Variants in TP63 observed in about 807,000 individuals in gnomAD.
The protein encoded by TP63 is tumor protein 63.
TP63 carries 17 observed loss-of-function variants against 82.8 expected under a neutral mutation model. That is an observed-to-expected ratio of 0.21 (90% CI 0.14 to 0.31). TP63 has a LOEUF of 0.31. Ranked by LOEUF, TP63 falls within the 10% of genes least tolerant of loss-of-function variation. TP63 has a pLI of 1.00. For missense variants in TP63, 648 were observed against 895.3 expected (o/e 0.72, Z 3.52); for synonymous variants, 330 against 321.7 (o/e 1.03, Z -0.28).
intron 11 of TP63, among the ~76,000 whole-genome samples, chr3:189,887,490 G>A (rs1454616065): frequency 6.6e-6 from 1 of 152,010 alleles, no homozygotes; most frequent in Non-Finnish European, 1.5e-5. Context: ...AAATGAAAAA[G>A]GCACTGTAAG....
chr3:189,767,311 C>T (rs889438688), intron 3 of TP63, among the ~76,000 whole-genome samples: 5 of 152,100 alleles, frequency 3.3e-5, no homozygotes, highest in Admixed American at 6.6e-5. Flanking sequence ...ACAGTAATAA[C>T]TCACATAACA....
chr3:189,816,769 T>C (rs1188577831), intron 4 of TP63, among the ~76,000 whole-genome samples: 1 of 152,194 alleles, frequency 6.6e-6, no homozygotes, highest in East Asian at 1.9e-4. Context: ...GATCCTGTAA[T>C]GAGGCACACA....
At chr3:189,836,825 C>A (rs1332098948) in intron 4 of TP63, among the ~76,000 whole-genome samples, 1 of 152,158 alleles carries the variant, frequency 6.6e-6, no homozygotes, top group African/African-American at 2.4e-5. Context: ...CACACTCTGA[C>A]CAAAGTGTTT....
intron 1 of TP63, among the ~76,000 whole-genome samples, chr3:189,659,279 A>G (rs1171068566): frequency 6.6e-6 from 1 of 151,992 alleles, no homozygotes. Context: ...CCCAATGATT[A>G]GCTCCCACTT....
At chr3:189,832,981 A>T (rs185435898) in intron 4 of TP63, among the ~76,000 whole-genome samples, 63 of 152,322 alleles carry the variant, frequency 4.1e-4, no homozygotes, top group East Asian at 7.7e-4. Flanking sequence ...AAATTTAAGC[A>T]CGTTTAATGA....
intron 1 of TP63, among the ~76,000 whole-genome samples, chr3:189,703,207 G>A (rs1361641843): frequency 6.6e-6 from 1 of 152,218 alleles, no homozygotes. Flanking sequence ...GCCAAGGCCA[G>A]CGGATTTGTT....
intron 1 of TP63, among the ~76,000 whole-genome samples, chr3:189,641,423 A>G (rs1711858722): frequency 6.6e-6 from 1 of 152,154 alleles, no homozygotes; most frequent in African/African-American, 2.4e-5. Flanking sequence ...TTATATTTCA[A>G]TAAGTATTTA....
At chr3:189,697,233 G>GTTTTTTT (rs60550638) in intron 1 of TP63, among the ~76,000 whole-genome samples, 1 of 142,252 alleles carries the variant, frequency 7.0e-6, no homozygotes, top group Admixed American at 7.0e-5. Flanking sequence ...TCTAGGTTCA[G>GTTTTTTT]TTTTTTTTTT....
chr3:189,669,969 G>C (rs772224968), intron 1 of TP63, among the ~76,000 whole-genome samples: 2 of 151,884 alleles, frequency 1.3e-5, no homozygotes, highest in African/African-American at 2.4e-5. Context: ...TTAAACAGTA[G>C]AGTTTGTCCT....
At chr3:189,878,720 G>A (rs577462019) in intron 10 of TP63, among the ~76,000 whole-genome samples, 6 of 148,900 alleles carry the variant, frequency 4.0e-5, no homozygotes, top group African/African-American at 1.5e-4. Flanking sequence ...GAGCCACCGC[G>A]CCCAGCCTAC....
intron 4 of TP63, among the ~76,000 whole-genome samples, chr3:189,808,964 T>A (rs188851157): frequency 6.6e-6 from 1 of 152,296 alleles, no homozygotes; most frequent in Admixed American, 6.5e-5. Flanking sequence ...AAATATAGTG[T>A]TATAAAAATT....
At chr3:189,868,214 G>C (rs1442327386) in intron 7 of TP63, among the ~76,000 whole-genome samples, 1 of 152,184 alleles carries the variant, frequency 6.6e-6, no homozygotes, top group African/African-American at 2.4e-5. Flanking sequence ...GTTCTGATTA[G>C]ACCATGGTCC....
chr3:189,654,712 C>A (rs1444962905), intron 1 of TP63, among the ~76,000 whole-genome samples: 2 of 152,116 alleles, frequency 1.3e-5, no homozygotes, highest in African/African-American at 4.8e-5. Flanking sequence ...CTATTAATTA[C>A]AAAGCCCTTT....
intron 13 of TP63, among the ~76,000 whole-genome samples, chr3:189,893,385 G>A (rs1005899150): frequency 3.3e-5 from 5 of 152,182 alleles, no homozygotes; most frequent in African/African-American, 4.8e-5. Context: ...CAAGCACAAT[G>A]TGCTGTTTAC....
upstream of TP63, among the ~76,000 whole-genome samples, chr3:189,630,100 A>G (rs922938489): frequency 7.9e-5 from 12 of 152,184 alleles, no homozygotes; most frequent in African/African-American, 2.7e-4. Flanking sequence ...TGAAGCAACA[A>G]ATAAAATATT....
the TP63 span, among the ~76,000 whole-genome samples, chr3:189,612,611 G>A: frequency 2.0e-5 from 3 of 152,228 alleles, no homozygotes; most frequent in Non-Finnish European, 4.4e-5. Context: ...AAATGTGGAA[G>A]TGACTTTGGA....
intron 1 of TP63, among the ~76,000 whole-genome samples, chr3:189,703,474 T>G (rs1241260542): frequency 1.9e-5 from 1 of 52,052 alleles, no homozygotes; most frequent in African/African-American, 7.5e-5. Flanking sequence ...ATACTCTCCC[T>G]GATGCTATTT....
At chr3:189,761,226 T>C (rs968954314) in intron 3 of TP63, among the ~76,000 whole-genome samples, 3 of 152,198 alleles carry the variant, frequency 2.0e-5, no homozygotes, top group African/African-American at 7.2e-5. Flanking sequence ...CCTCAGAAAA[T>C]TGGATTTTGT....
rs141938094 is a variant in TP63 at position 189,886,007 on chromosome 3, G to A, written c.1350-387G>A. Among the ~76,000 whole-genome samples the A allele has an allele frequency of 2.1e-3, 317 of 152,248 alleles. 2 individuals carry two copies. The highest frequency in any genetic ancestry group is 7.2e-3 in the African/African-American group (298 of 41,538). On this transcript the variant is annotated intron_variant, in intron 10 of 13. Coordinates refer to ENST00000264731, the MANE Select transcript of TP63 (RefSeq NM_003722.5). ...TGAGGGTGGGATATCCATGTTTTTCGTCAGCCTTTAAGTCTTTGCTCAATT... is the reference window on the plus strand; with the variant it reads ...TGAGGGTGGGATATCCATGTTTTTCATCAGCCTTTAAGTCTTTGCTCAATT...
Sources: gnomAD v4.1 joint callset for allele counts (sites outside exome capture counted in the v4.1 genomes callset) on GRCh38, gnomAD v4.1.1 for gene constraint, MANE v1.5 for transcripts, NCBI Gene and HGNC (gene_info 2026-07-23, HGNC 2026-07-21) for gene names.